Variants in LUC7L observed in about 807,000 individuals in gnomAD.
The protein encoded by LUC7L is putative RNA-binding protein Luc7-like 1.
A neutral mutation model predicts 51.1 loss-of-function variants in LUC7L; 29 were observed. The ratio of observed to expected loss-of-function variants is 0.57; its 90% CI spans 0.42 to 0.77. The LOEUF is 0.77. LUC7L is among the 30% of genes least tolerant of loss of function. LUC7L has a pLI of 0.00. For synonymous variants in LUC7L, 181 were observed against 180.7 expected, an observed-to-expected ratio of 1.00 and a Z score of -0.01; for missense variants, 403 against 511.9, an observed-to-expected ratio of 0.79 and a Z score of 2.05.
chr16:194,025 G>A (rs928772635), intron 6 of LUC7L, among the ~76,000 whole-genome samples: 12 of 150,730 alleles, frequency 8.0e-5, no homozygotes, highest in Admixed American at 6.6e-5. Context: ...GGATGGTCTC[G>A]ATCTCCTGAC....
intron 2 of LUC7L, among the ~76,000 whole-genome samples, chr16:221,935 G>A (rs185102991): frequency 3.3e-5 from 5 of 152,230 alleles, no homozygotes; most frequent in Admixed American, 6.5e-5. Context: ...AGGCTGGTTC[G>A]TAGCCAAATA....
chr16:196,483 T>C (rs2049152952), intron 6 of LUC7L, among the ~76,000 whole-genome samples: 1 of 152,030 alleles, frequency 6.6e-6, no homozygotes, highest in Non-Finnish European at 1.5e-5. Flanking sequence ...AATGAAAATG[T>C]AATTTAAAGG....
intron 6 of LUC7L, among the ~76,000 whole-genome samples, chr16:194,670 G>A (rs1201808299): frequency 2.0e-5 from 3 of 152,176 alleles, no homozygotes; most frequent in Non-Finnish European, 2.9e-5. Flanking sequence ...CAGCAGGCCA[G>A]GGGAGGTGGA....
intron 3 of LUC7L, among the ~76,000 whole-genome samples, chr16:215,942 C>T (rs1413679474): frequency 1.3e-5 from 2 of 151,668 alleles, no homozygotes; most frequent in Non-Finnish European, 2.9e-5. Context: ...TGATCCTTCA[C>T]TTTTGGCCTC....
chr16:213,872 A>AC (rs1212564012), intron 3 of LUC7L, among the ~76,000 whole-genome samples: 1 of 151,518 alleles, frequency 6.6e-6, no homozygotes, highest in Non-Finnish European at 1.5e-5. Context: ...CCACCATCAC[A>AC]CCTGGCTAAT....
rs189418178 is a variant in LUC7L at position 197,173 on chromosome 16, T to A, written c.687+1889A>T. ...TGCCCGCCTCGGCCTCCCAAAATGC[T>A]GGGATTACAGGAGGCTGAGCCTCTG... On this transcript the variant is annotated intron_variant, in intron 6 of 9. Transcript: ENST00000293872. Among the ~76,000 whole-genome samples, 648 of 148,678 alleles carry A rather than the reference T, an allele frequency of 4.4e-3. 5 individuals are homozygous for A. The highest frequency in any genetic ancestry group is 8.5e-3 in the Non-Finnish European group (571 of 67,442).
chr16:194,544 G>C (rs956114415), intron 6 of LUC7L, among the ~76,000 whole-genome samples: 2 of 152,164 alleles, frequency 1.3e-5, no homozygotes, highest in Non-Finnish European at 2.9e-5. Flanking sequence ...AAAAAGGACG[G>C]ATGTATCTCA....
intron 6 of LUC7L, among the ~76,000 whole-genome samples, chr16:198,824 T>C (rs2049236520): frequency 6.6e-6 from 1 of 151,930 alleles, no homozygotes; most frequent in African/African-American, 2.4e-5. Flanking sequence ...GTACCTAAGA[T>C]TACAGGCTCA....
chr16:226,418 G>C (rs1296611525), intron 2 of LUC7L, among the ~76,000 whole-genome samples: 1 of 152,060 alleles, frequency 6.6e-6, no homozygotes, highest in Admixed American at 6.6e-5. Flanking sequence ...CCACTATTCA[G>C]TCTTTTCAAA....
chr16:202,137 T>TC (rs373609228), intron 5 of LUC7L, among the ~76,000 whole-genome samples: 36 of 151,960 alleles, frequency 2.4e-4, no homozygotes, highest in African/African-American at 8.2e-4. Context: ...GCCTCGACCT[T>TC]CCAAAGTGTT....
chr16:200,618 A>C (rs2049296877), intron 5 of LUC7L, among the ~76,000 whole-genome samples: 1 of 152,080 alleles, frequency 6.6e-6, no homozygotes, highest in Non-Finnish European at 1.5e-5. Flanking sequence ...GTAGTGACTC[A>C]CACCTATAAT....
At chr16:189,825 T>C (rs1450184092) in intron 9 of LUC7L, 143 bp downstream of exon 9, 15 of 1,445,490 alleles carry the variant, frequency 1.0e-5, no homozygotes, top group Non-Finnish European at 1.4e-5. Flanking sequence ...TTCCCACACC[T>C]GAGTCCCGTT....
rs1259553148 is a variant in LUC7L, at chr16:199,134, G to A, written c.615C>T (p.Arg205=). ...AYLGLHDNDR[R]LADHFGGKLH... ...ACTTGCCACCGAAGTGGTCTGCCAG[G>A]CGACGGTCATTGTCATGGAGACCAA... The change falls in exon 6 of 10, where the codon CGC becomes CGT. Residue 205 remains arginine, a synonymous_variant. Transcript: ENST00000293872. 6.2e-7 allele frequency: 1 copy of A among 1,613,814 alleles called. No homozygotes were observed. The highest frequency in any genetic ancestry group is 1.7e-5 in the Admixed American group (1 of 60,020).
At chr16:201,047 G>C (rs966164359) in intron 5 of LUC7L, among the ~76,000 whole-genome samples, 4 of 151,466 alleles carry the variant, frequency 2.6e-5, no homozygotes, top group African/African-American at 4.9e-5. Flanking sequence ...GCTGGCACCT[G>C]TAATCCCAGC....
Position 195,924 on chromosome 16 carries a change from A to G in LUC7L, c.688-2909T>C, listed in dbSNP as rs146909649. Reference sequence around the variant, plus strand: ...AAATACATTGTGCACTGTTACTTTAATAATTATTTATCAAAGTCTGTAATA... The same window carrying G: ...AAATACATTGTGCACTGTTACTTTAGTAATTATTTATCAAAGTCTGTAATA... On this transcript the variant is annotated intron_variant, in intron 6 of 9. Transcript: ENST00000293872. Among the ~76,000 whole-genome samples, 496 of 152,228 alleles carry G rather than the reference A, an allele frequency of 3.3e-3. 1 individual carries two copies. Among genetic ancestry groups the G allele is most frequent in the African/African-American group, 0.011 (465 of 41,542 alleles).
At chr16:215,214 G>A (rs1382767361) in intron 3 of LUC7L, among the ~76,000 whole-genome samples, 1 of 152,176 alleles carries the variant, frequency 6.6e-6, no homozygotes, top group African/African-American at 2.4e-5. Context: ...TAGGCCAGGT[G>A]CAATGGATCA....
chr16:222,633 CTTTTTAATTT>C (rs1488676701), intron 2 of LUC7L, among the ~76,000 whole-genome samples: 1 of 151,020 alleles, frequency 6.6e-6, no homozygotes, highest in Non-Finnish European at 1.5e-5. Context: ...AGACCCCTGT[CTTTTTAATTT>C]TTTTTTTTTT....
chr16:210,034 T>C (rs1210014270), intron 3 of LUC7L, among the ~76,000 whole-genome samples: 1 of 152,204 alleles, frequency 6.6e-6, no homozygotes, highest in African/African-American at 2.4e-5. Flanking sequence ...ACGCCTGTAA[T>C]CCCAGCACTT....
chr16:213,889 T>C (rs2049714150), intron 3 of LUC7L, among the ~76,000 whole-genome samples: 1 of 151,492 alleles, frequency 6.6e-6, no homozygotes, highest in Non-Finnish European at 1.5e-5. Flanking sequence ...TAATATTTTC[T>C]ATTTTTAGTA....
Sources: allele counts gnomAD v4.1 joint callset (sites outside exome capture counted in the v4.1 genomes callset), GRCh38; gene constraint gnomAD v4.1.1; transcripts MANE v1.5; gene names NCBI Gene and HGNC (gene_info 2026-07-23, HGNC 2026-07-21).